Variants in GSK3B observed in about 807,000 individuals in gnomAD.
The protein encoded by GSK3B is glycogen synthase kinase 3 beta.
In GSK3B, 15 loss-of-function variants were observed where a neutral mutation model predicts 56.4. The ratio of observed to expected loss-of-function variants is 0.27; its 90% CI spans 0.18 to 0.41. The LOEUF (loss-of-function observed/expected upper bound fraction) is 0.41, where lower values mean the gene tolerates loss of function less well. Among genes scored for constraint, GSK3B ranks in the 10% least tolerant of loss-of-function variants. The pLI is 1.00. For missense variants in GSK3B, 300 were observed against 513.4 expected (o/e 0.58, Z 4.02); for synonymous variants, 181 against 188.9 (o/e 0.96, Z 0.34).
At chr3:119,960,645 CT>C (rs1482839486) in intron 2 of GSK3B, among the ~76,000 whole-genome samples, 1 of 152,176 alleles carries the variant, frequency 6.6e-6, no homozygotes, top group Non-Finnish European at 1.5e-5. Context: ...ATCAGCCCCC[CT>C]CACATACTTC....
intron 2 of GSK3B, among the ~76,000 whole-genome samples, chr3:119,979,839 G>A (rs552719731): frequency 2.6e-5 from 4 of 152,146 alleles, no homozygotes; most frequent in South Asian, 2.1e-4. Context: ...TATGGAAACC[G>A]TGGAATTAGA....
At chr3:119,996,625 TCTCA>T (rs1299748886) in intron 2 of GSK3B, among the ~76,000 whole-genome samples, 1 of 151,668 alleles carries the variant, frequency 6.6e-6, no homozygotes, top group Non-Finnish European at 1.5e-5. Context: ...AAAGAAAGGG[TCTCA>T]CTGTTTATTA....
chr3:119,826,612 A>C lies in GSK3B; in HGVS notation c.*176T>G, dbSNP rs1417638176. ...TGAGAATACAATGAAATTGGTTTGT[A>C]TTTATAGATATTTTACAAGGTTAAA... On this transcript the variant is annotated 3_prime_UTR_variant, in exon 11 of 11. Coordinates refer to ENST00000264235, the MANE Select transcript of GSK3B (RefSeq NM_001146156.2). 2 of 462,458 alleles carry C rather than the reference A, an allele frequency of 4.3e-6. No individual in the cohort carries two copies. The highest frequency in any genetic ancestry group is 3.1e-5 in the South Asian group (2 of 63,678). 28.6% of individuals were successfully genotyped at this position (462,458 alleles called of 1,614,324 possible).
chr3:119,856,180 C>CATT (rs1185603392), intron 9 of GSK3B, among the ~76,000 whole-genome samples: 1 of 152,108 alleles, frequency 6.6e-6, no homozygotes, highest in Non-Finnish European at 1.5e-5. Flanking sequence ...CCAACAATCT[C>CATT]ATTTATTTAT....
At chr3:120,055,234 C>CAATA (rs553039161) in intron 1 of GSK3B, among the ~76,000 whole-genome samples, 1 of 151,998 alleles carries the variant, frequency 6.6e-6, no homozygotes, top group Non-Finnish European at 1.5e-5. Flanking sequence ...ACACAGCTGT[C>CAATA]AATAAAAGTC....
At chr3:120,000,623 G>A (rs939458747) in intron 2 of GSK3B, among the ~76,000 whole-genome samples, 2 of 151,988 alleles carry the variant, frequency 1.3e-5, no homozygotes, top group African/African-American at 2.4e-5. Context: ...AGGGAGCAAC[G>A]CTGCATAGTG....
At chr3:119,948,644 T>G (rs977873550) in intron 2 of GSK3B, among the ~76,000 whole-genome samples, 1 of 152,182 alleles carries the variant, frequency 6.6e-6, no homozygotes, top group Non-Finnish European at 1.5e-5. Flanking sequence ...TTCAAAATTG[T>G]GTCCATTTCC....
intron 1 of GSK3B, among the ~76,000 whole-genome samples, chr3:120,071,702 A>AT (rs2058328162): frequency 6.6e-6 from 1 of 152,210 alleles, no homozygotes; most frequent in South Asian, 2.1e-4. Flanking sequence ...GATGAGTTGT[A>AT]TAACTATTTC....
chr3:119,976,765 C>CAAAAAAAAAAA (rs563133631), intron 2 of GSK3B, among the ~76,000 whole-genome samples: 1 of 83,108 alleles, frequency 1.2e-5, no homozygotes, highest in African/African-American at 3.6e-5. Flanking sequence ...CCACTCCCCA[C>CAAAAAAAAAAA]AAAAAAAAAA....
At chr3:119,919,779 T>C (rs2056819306) in intron 4 of GSK3B, among the ~76,000 whole-genome samples, 1 of 152,026 alleles carries the variant, frequency 6.6e-6, no homozygotes, top group South Asian at 2.1e-4. Context: ...ATGTGCATTA[T>C]TGGTCACTGG....
chr3:120,059,485 T>C (rs2058219336), intron 1 of GSK3B, among the ~76,000 whole-genome samples: 1 of 152,192 alleles, frequency 6.6e-6, no homozygotes, highest in African/African-American at 2.4e-5. Flanking sequence ...CTAATTAACA[T>C]TCAACAACAG....
chr3:119,900,974 T>C (rs976135448), intron 7 of GSK3B, among the ~76,000 whole-genome samples: 1 of 152,100 alleles, frequency 6.6e-6, no homozygotes, highest in African/African-American at 2.4e-5. Context: ...AATCTAAGAC[T>C]ATGTAGTTAT....
chr3:119,929,889 G>A lies in GSK3B; in HGVS notation c.367-6406C>T, dbSNP rs945389587. 4.1e-4 allele frequency among the ~76,000 whole-genome samples: 59 copies of A among 144,398 alleles called. 1 individual carries two copies. The highest frequency in any genetic ancestry group is 3.7e-3 in the Middle Eastern group (1 of 270). The allele number at this position is 144,398 out of a possible 152,430, so 94.7% of individuals were successfully genotyped here. ...GCACCCCAGTCTGGGCAACAAGAGC[G>A]AAACTCTGCCTCAAAAAAAAAAAAA... On this transcript the variant is annotated intron_variant, in intron 3 of 10. Transcript: ENST00000264235.
intron 9 of GSK3B, among the ~76,000 whole-genome samples, chr3:119,861,609 T>C (rs1174003229): frequency 1.3e-5 from 2 of 151,888 alleles, no homozygotes; most frequent in African/African-American, 4.8e-5. Context: ...GTGTCTTTAT[T>C]GCATAGAAAC....
chr3:119,854,719 A>G (rs2055991983), intron 9 of GSK3B, among the ~76,000 whole-genome samples: 1 of 152,214 alleles, frequency 6.6e-6, no homozygotes, highest in South Asian at 2.1e-4. Flanking sequence ...AAGTGTTCAT[A>G]GTATTCTCTG....
At chr3:119,829,693 T>A (rs1193743012) in intron 10 of GSK3B, among the ~76,000 whole-genome samples, 1 of 152,242 alleles carries the variant, frequency 6.6e-6, no homozygotes, top group Non-Finnish European at 1.5e-5. Flanking sequence ...CAGTCTCCTC[T>A]TTCTTGGATA....
At chr3:119,837,742 G>C (rs2055713167) in intron 10 of GSK3B, among the ~76,000 whole-genome samples, 1 of 151,398 alleles carries the variant, frequency 6.6e-6, no homozygotes, top group Non-Finnish European at 1.5e-5. Flanking sequence ...TCTCTAAAAT[G>C]GTTTGTATTT....
intron 1 of GSK3B, among the ~76,000 whole-genome samples, chr3:120,052,881 G>A (rs560476622): frequency 2.5e-4 from 38 of 152,296 alleles, no homozygotes; most frequent in South Asian, 1.0e-3. Context: ...CTCAATAGCC[G>A]TGTGAGATAG....
At chr3:119,899,957 T>C (rs2056610036) in intron 7 of GSK3B, among the ~76,000 whole-genome samples, 2 of 152,082 alleles carry the variant, frequency 1.3e-5, no homozygotes, top group African/African-American at 4.8e-5. Context: ...GCATCTGTGT[T>C]GTACTTTCAA....
Sources: allele counts gnomAD v4.1 joint callset (sites outside exome capture counted in the v4.1 genomes callset), GRCh38; gene constraint gnomAD v4.1.1; transcripts MANE v1.5; gene names NCBI Gene and HGNC (gene_info 2026-07-23, HGNC 2026-07-21).